RIMKLB: variants seen among roughly 807,000 people sequenced by gnomAD.
RIMKLB encodes beta-citrylglutamate synthase B.
A neutral mutation model predicts 32.0 loss-of-function variants in RIMKLB; 7 were observed. The observed-to-expected ratio is 0.22, with a 90% CI of 0.12 to 0.41. The LOEUF (loss-of-function observed/expected upper bound fraction) is 0.41, where lower values mean the gene tolerates loss of function less well. RIMKLB is among the 10% of genes least tolerant of loss of function. The pLI is 1.00. For synonymous variants in RIMKLB, 172 were observed against 185.1 expected (o/e 0.93, Z 0.57); for missense variants, 289 against 498.7 (o/e 0.58, Z 4.00).
intron 1 of RIMKLB, among the ~76,000 whole-genome samples, chr12:8,713,135 G>A (rs1365425269): frequency 2.0e-5 from 3 of 152,100 alleles, no homozygotes; most frequent in Admixed American, 6.6e-5. Context: ...GAGTAAGAGC[G>A]TGCTGTCCTC....
chr12:8,773,309 T>C lies in RIMKLB; in HGVS notation c.698-12T>C, dbSNP rs1950548507. ...TGATTTTGTTAATTTCCTGTCTTGT[T>C]TCTTTTGCCAGGTGGTGTGGGGATG... On this transcript the variant is annotated splice_polypyrimidine_tract_variant and intron_variant, in intron 5 of 5. Transcript: ENST00000535829. The C allele has an allele frequency of 6.3e-7, 1 of 1,576,196 alleles. No individual in the cohort carries two copies. Among genetic ancestry groups the C allele is most frequent in the Admixed American group, 1.7e-5 (1 of 58,856 alleles).
upstream of RIMKLB, among the ~76,000 whole-genome samples, chr12:8,677,314 T>C (rs150709809): frequency 1.2e-3 from 179 of 152,280 alleles, 1 homozygote; most frequent in African/African-American, 4.1e-3. Context: ...GAAATATGTG[T>C]GAATCATCCT....
Position 8,756,977 on chromosome 12 carries a change from C to T in RIMKLB, c.697+2884C>T, listed in dbSNP as rs116987557. On this transcript the variant is annotated intron_variant, in intron 5 of 5. Coordinates refer to ENST00000535829, the MANE Select transcript of RIMKLB (RefSeq NM_001297776.2). ...AAGCCACCAGGTGTGAGCCACCGTG[C>T]CCAGCCTACTTCCTATTCTTGAAAA... 1.1e-3 allele frequency among the ~76,000 whole-genome samples: 169 copies of T among 152,152 alleles called. 1 individual carries two copies. The highest frequency in any genetic ancestry group is 1.8e-3 in the Admixed American group (27 of 15,268).
the RIMKLB span, among the ~76,000 whole-genome samples, chr12:8,676,068 G>A: frequency 6.6e-6 from 1 of 151,960 alleles, no homozygotes; most frequent in African/African-American, 2.4e-5. Context: ...ATGTTTTGGG[G>A]GGTTCCAACA....
intron 5 of RIMKLB, among the ~76,000 whole-genome samples, chr12:8,760,113 G>A (rs1949391012): frequency 1.3e-5 from 2 of 150,528 alleles, no homozygotes; most frequent in Non-Finnish European, 2.9e-5. Flanking sequence ...CCCCACAACA[G>A]GCCCCCGTGT....
At chr12:8,704,116 G>T (rs1943643235) in intron 1 of RIMKLB, among the ~76,000 whole-genome samples, 1 of 152,176 alleles carries the variant, frequency 6.6e-6, no homozygotes, top group East Asian at 1.9e-4. Flanking sequence ...GGACGTGGTG[G>T]CTCACGCCTG....
chr12:8,767,942 G>T (rs981890848), intron 5 of RIMKLB, among the ~76,000 whole-genome samples: 1 of 152,148 alleles, frequency 6.6e-6, no homozygotes, highest in African/African-American at 2.4e-5. Context: ...TGCTTTGGAG[G>T]TCCCTTCGTG....
intron 2 of RIMKLB, among the ~76,000 whole-genome samples, chr12:8,737,087 A>G (rs573023457): frequency 6.6e-6 from 1 of 152,324 alleles, no homozygotes; most frequent in South Asian, 2.1e-4. Flanking sequence ...TGCTGGTATT[A>G]CAGACGTGAG....
chr12:8,682,803 T>TTA (rs373969747), intron 1 of RIMKLB, among the ~76,000 whole-genome samples: 23 of 132,394 alleles, frequency 1.7e-4, no homozygotes, highest in African/African-American at 4.8e-4. Context: ...ATAAATAAAT[T>TTA]AAAAAAAAAA....
At chr12:8,676,728 C>T (rs896615616), upstream of RIMKLB, among the ~76,000 whole-genome samples, 1 of 152,004 alleles carries the variant, frequency 6.6e-6, no homozygotes, top group African/African-American at 2.4e-5. Context: ...TTTATTTTTA[C>T]ATATCTATGT....
chr12:8,742,446 T>A, intron 2 of RIMKLB: 1 of 363,726 alleles, frequency 2.7e-6, no homozygotes. Context: ...AACCTTTATG[T>A]CCTACAAAGA....
At chr12:8,772,798 T>C (rs1271911602) in intron 5 of RIMKLB, among the ~76,000 whole-genome samples, 1 of 152,234 alleles carries the variant, frequency 6.6e-6, no homozygotes, top group African/African-American at 2.4e-5. Context: ...ACTTCCTTTC[T>C]CTTCCTTCCT....
chr12:8,681,277 A>AGTGGC, upstream of RIMKLB, among the ~76,000 whole-genome samples: 1 of 152,136 alleles, frequency 6.6e-6, no homozygotes, highest in African/African-American at 2.4e-5. Context: ...TCTGGTCTTC[A>AGTGGC]TATACCAGTG....
intron 2 of RIMKLB, among the ~76,000 whole-genome samples, chr12:8,744,838 A>T (rs930009803): frequency 3.3e-5 from 5 of 151,402 alleles, no homozygotes; most frequent in South Asian, 2.1e-4. Context: ...TGCATTTTTT[A>T]AAATTCTTTC....
intron 2 of RIMKLB, chr12:8,714,262 A>G: frequency 2.3e-6 from 1 of 434,554 alleles, no homozygotes; most frequent in Non-Finnish European, 4.1e-6. Flanking sequence ...CCTTCAAAAC[A>G]GATAAACAAT....
intron 2 of RIMKLB, among the ~76,000 whole-genome samples, chr12:8,746,286 G>T (rs1333294556): frequency 6.6e-6 from 1 of 151,394 alleles, no homozygotes; most frequent in African/African-American, 2.4e-5. Context: ...TGCTTATCTA[G>T]GCAAGTCACT....
At chr12:8,755,806 C>T (rs1318565459) in intron 5 of RIMKLB, among the ~76,000 whole-genome samples, 1 of 152,038 alleles carries the variant, frequency 6.6e-6, no homozygotes. Flanking sequence ...CCTCAAGGTT[C>T]AAAACCAGCC....
chr12:8,697,926 T>C (rs1942981415), upstream of RIMKLB: 1 of 149,042 alleles, frequency 6.7e-6, no homozygotes, highest in Admixed American at 6.7e-5. Flanking sequence ...GCGTTCGGTC[T>C]GAGGGAGCGG....
intron 2 of RIMKLB, among the ~76,000 whole-genome samples, chr12:8,719,069 C>A (rs1179272055): frequency 6.6e-6 from 1 of 152,138 alleles, no homozygotes; most frequent in Non-Finnish European, 1.5e-5. Context: ...CTCCTTCCCT[C>A]CCTCTCACCC....
Sources: allele counts gnomAD v4.1 joint callset (sites outside exome capture counted in the v4.1 genomes callset), GRCh38; gene constraint gnomAD v4.1.1; transcripts MANE v1.5; gene names NCBI Gene and HGNC (gene_info 2026-07-23, HGNC 2026-07-21).